The following DIAPH2 variants were observed in gnomAD, a reference collection of about 807,000 sequenced individuals.
The protein encoded by DIAPH2 is protein diaphanous homolog 2.
DIAPH2 carries 35 observed loss-of-function variants against 92.7 expected under a neutral mutation model. The observed-to-expected ratio is 0.38, with a 90% confidence interval of 0.29 to 0.50. DIAPH2 has a LOEUF of 0.50. DIAPH2 is among the 20% of genes least tolerant of loss of function. DIAPH2 has a pLI of 0.94. For missense variants in DIAPH2, 701 were observed against 819.5 expected, an observed-to-expected ratio of 0.86 and a Z score of 1.77; for synonymous variants, 301 against 280.4, an observed-to-expected ratio of 1.07 and a Z score of -0.73.
At chrX:97,049,779 T>C (rs1263411822) in intron 17 of DIAPH2, among the ~76,000 whole-genome samples, 1 of 111,445 alleles carries the variant, frequency 9.0e-6, no homozygotes, top group Admixed American at 9.5e-5. Context: ...TGTATTACTT[T>C]ATAAGTGATC....
intron 16 of DIAPH2, among the ~76,000 whole-genome samples, chrX:96,962,414 T>C (rs2065864372): frequency 1.7e-5 from 1 of 58,242 alleles, no homozygotes; most frequent in South Asian, 1.1e-3. Flanking sequence ...CACATATATA[T>C]ATACACATAT....
chrX:97,256,751 G>A (rs1015866971), intron 23 of DIAPH2, among the ~76,000 whole-genome samples: 2 of 111,336 alleles, frequency 1.8e-5, no homozygotes, highest in Non-Finnish European at 1.9e-5. Context: ...TGCAACCTCC[G>A]CCTCCAAGGT....
intron 22 of DIAPH2, among the ~76,000 whole-genome samples, chrX:97,180,419 G>A (rs1486793186): frequency 2.7e-5 from 3 of 111,262 alleles, no homozygotes; most frequent in Admixed American, 9.5e-5. Flanking sequence ...TTGTCACATG[G>A]GTAGATTGCA....
intron 23 of DIAPH2, among the ~76,000 whole-genome samples, chrX:97,318,917 A>G (rs1235069312): frequency 8.9e-6 from 1 of 112,140 alleles, no homozygotes; most frequent in Non-Finnish European, 1.9e-5. Context: ...TAATAGAATC[A>G]GAAATAAATG....
intron 4 of DIAPH2, among the ~76,000 whole-genome samples, chrX:96,808,273 G>A (rs1045402373): frequency 7.5e-4 from 83 of 110,490 alleles, no homozygotes; most frequent in African/African-American, 2.6e-3. Context: ...AAGCATAAAT[G>A]TGGAATAAAT....
intron 22 of DIAPH2, among the ~76,000 whole-genome samples, chrX:97,193,686 G>T (rs2067674820): frequency 8.9e-6 from 1 of 111,799 alleles, no homozygotes; most frequent in Non-Finnish European, 1.9e-5. Flanking sequence ...AAATATACTT[G>T]TATAATACTT....
At chrX:96,986,626 A>G (rs1464058441) in intron 17 of DIAPH2, among the ~76,000 whole-genome samples, 1 of 111,539 alleles carries the variant, frequency 9.0e-6, no homozygotes, top group African/African-American at 3.2e-5. Flanking sequence ...CTGCTTTATT[A>G]TTCATATTTA....
chrX:97,571,713 C>T (rs989158703), intron 26 of DIAPH2, among the ~76,000 whole-genome samples: 3 of 110,855 alleles, frequency 2.7e-5, no homozygotes, highest in Non-Finnish European at 5.7e-5. Context: ...GCATGCAAAG[C>T]GTCTGTGCAT....
intron 1 of DIAPH2, among the ~76,000 whole-genome samples, chrX:96,698,579 C>A (rs751809836): frequency 1.1e-4 from 12 of 110,979 alleles, no homozygotes; most frequent in Admixed American, 3.9e-4. Context: ...AGTTTGAGTT[C>A]TAGTCCCCTT....
intron 2 of DIAPH2, among the ~76,000 whole-genome samples, chrX:96,736,123 G>A (rs1291708222): frequency 1.8e-5 from 2 of 111,281 alleles, no homozygotes; most frequent in Non-Finnish European, 3.8e-5. Flanking sequence ...AATATTGGAG[G>A]AAATTAATTT....
At position 97,464,879 on chromosome X, in the gene DIAPH2, G is replaced by A. The variant is rs1848600875; in HGVS notation, c.3241+35134G>A. 4.5e-5 allele frequency among the ~76,000 whole-genome samples: 5 copies of A among 111,434 alleles called. No individual in the cohort carries two copies. The South Asian group carries it at 1.5e-3, about 34-fold the overall frequency. On this transcript the variant is annotated intron_variant, in intron 26 of 26. Coordinates refer to ENST00000324765, the MANE Select transcript of DIAPH2 (RefSeq NM_006729.5). ...TGTTTTGTTTTTGAGACGGAGTTTT[G>A]CTGTTGTTGCCCAGGCTGGAGTGCA...
chrX:97,451,829 C>T (rs1423016897), intron 26 of DIAPH2, among the ~76,000 whole-genome samples: 1 of 111,726 alleles, frequency 9.0e-6, no homozygotes, highest in African/African-American at 3.2e-5. Context: ...AAACCTACTG[C>T]TTCTGTTATT....
intron 26 of DIAPH2, among the ~76,000 whole-genome samples, chrX:97,583,282 G>GT (rs1453957408): frequency 5.4e-5 from 6 of 110,457 alleles, no homozygotes; most frequent in Admixed American, 9.6e-5. Flanking sequence ...TTTCTGTTCT[G>GT]TTTTTTCCCC....
intron 4 of DIAPH2, among the ~76,000 whole-genome samples, chrX:96,856,478 T>C (rs1006391888): frequency 5.5e-5 from 6 of 108,345 alleles, no homozygotes; most frequent in Non-Finnish European, 1.1e-4. Context: ...TTACTGTGGT[T>C]ACACTATCTT....
chrX:96,760,735 A>G (rs2064262498), intron 4 of DIAPH2, among the ~76,000 whole-genome samples: 1 of 111,436 alleles, frequency 9.0e-6, no homozygotes, highest in Non-Finnish European at 1.9e-5. Context: ...TAAAATTAGC[A>G]TGGAAAAGGA....
chrX:97,112,765 C>CTTTTTTTTTTTTTTTTTTTTTTTTTTT (rs60721723), intron 20 of DIAPH2, among the ~76,000 whole-genome samples: 1 of 37,236 alleles, frequency 2.7e-5, no homozygotes, highest in African/African-American at 1.2e-4. Context: ...CCCTTTCTTT[C>CTTTTTTTTTTTTTTTTTTTTTTTTTTT]TTTTTTTTTT....
chrX:97,276,246 C>G (rs753894303), intron 23 of DIAPH2, among the ~76,000 whole-genome samples: 1 of 111,716 alleles, frequency 9.0e-6, no homozygotes, highest in Non-Finnish European at 1.9e-5. Flanking sequence ...AGCTTCGGCT[C>G]GGCATCTGAG....
intron 26 of DIAPH2, among the ~76,000 whole-genome samples, chrX:97,516,210 G>A (rs780789800): frequency 8.1e-4 from 89 of 109,607 alleles, no homozygotes; most frequent in African/African-American, 2.7e-3. Context: ...AGCCGAGATC[G>A]CGCCACTGCA....
intron 20 of DIAPH2, among the ~76,000 whole-genome samples, chrX:97,108,976 G>T (rs1213568370): frequency 2.7e-5 from 3 of 111,703 alleles, no homozygotes; most frequent in Non-Finnish European, 5.6e-5. Flanking sequence ...GTTTTAGGGT[G>T]TTTACATCAT....
Sources: gnomAD v4.1 joint callset for allele counts (sites outside exome capture counted in the v4.1 genomes callset) on GRCh38, gnomAD v4.1.1 for gene constraint, MANE v1.5 for transcripts, NCBI Gene and HGNC (gene_info 2026-07-23, HGNC 2026-07-21) for gene names.